Variants in COL22A1 observed in about 807,000 individuals in gnomAD.
COL22A1 encodes collagen type XXII alpha 1 chain, also known as collagen alpha-1(XXII) chain.
COL22A1 carries 221 observed loss-of-function variants against 248.9 expected under a neutral mutation model. The ratio of observed to expected loss-of-function variants is 0.89; its 90% CI spans 0.80 to 0.99. The LOEUF (loss-of-function observed/expected upper bound fraction) is 0.99. Ranked by LOEUF, COL22A1 falls within the 50% of genes least tolerant of loss-of-function variation. The pLI is 0.00. For missense variants in COL22A1, 2,240 were observed against 2,179.0 expected, an observed-to-expected ratio of 1.03 and a Z score of -0.56; for synonymous variants, 891 against 793.4, an observed-to-expected ratio of 1.12 and a Z score of -2.07.
At chr8:138,617,170 G>T (rs1196074256) in intron 53 of COL22A1, among the ~76,000 whole-genome samples, 1 of 152,180 alleles carries the variant, frequency 6.6e-6, no homozygotes, top group Non-Finnish European at 1.5e-5. Flanking sequence ...TCTATGCTGT[G>T]GGAAGGGCTG....
At position 138,676,647 on chromosome 8, in the gene COL22A1, G is replaced by C; in HGVS notation, c.3073-12C>G. On this transcript the variant is annotated splice_polypyrimidine_tract_variant and intron_variant, in intron 40 of 64. Coordinates refer to ENST00000303045, the MANE Select transcript of COL22A1 (RefSeq NM_152888.3). ...GCTCCTCGATCCCCCTAGAAAGAGA[G>C]AAAAATAAGATCAAGGAGGTCAGTG... The C allele has an allele frequency of 6.5e-7, 1 of 1,548,146 alleles. No individual in the cohort carries two copies. Among genetic ancestry groups the C allele is most frequent in the South Asian group, 1.2e-5 (1 of 84,246 alleles).
In COL22A1 at chr8:138,811,896, G is replaced by T; in HGVS notation, c.1352C>A (p.Pro451His). 6.4e-7 allele frequency: 1 copy of T among 1,561,930 alleles called. No homozygotes were observed. The highest frequency in any genetic ancestry group is 8.7e-7 in the Non-Finnish European group (1 of 1,154,668). Residue 451 changes from proline to histidine, a missense_variant, in exon 9 of 65, where the codon CCT becomes CAT. Physicochemically the swap from Pro to His is moderately conservative, Grantham distance 77. Transcript: ENST00000303045. ...GPCQVTVVTE[P>H]PPPPPPQRPP... ...CCGCTGGGGTGGGGGTGGAGGTGGA[G>T]GCTCTGTCACCACGGTCACCTGGCA...
At chr8:138,766,573 A>G (rs1833927773) in intron 16 of COL22A1, among the ~76,000 whole-genome samples, 1 of 152,154 alleles carries the variant, frequency 6.6e-6, no homozygotes, top group Non-Finnish European at 1.5e-5. Context: ...AGAAAAAGAC[A>G]GAAGACAGAT....
At chr8:138,739,155 T>G (rs188260455) in intron 22 of COL22A1, among the ~76,000 whole-genome samples, 1 of 152,306 alleles carries the variant, frequency 6.6e-6, no homozygotes, top group Admixed American at 6.5e-5. Context: ...CTACAATGCC[T>G]CTCAGCTCAC....
At chr8:138,730,840 A>C (rs1478459793) in intron 23 of COL22A1, among the ~76,000 whole-genome samples, 2 of 151,756 alleles carry the variant, frequency 1.3e-5, no homozygotes, top group African/African-American at 2.4e-5. Flanking sequence ...ATAGGAGAGG[A>C]AGGAAGCCAC....
chr8:138,806,000 G>A lies in COL22A1; in HGVS notation c.1494+1768C>T, dbSNP rs540272118. Among the ~76,000 whole-genome samples the A allele has an allele frequency of 6.8e-5, 4 of 59,050 alleles. No homozygotes were observed. The South Asian group carries it at 1.7e-3, about 25-fold the overall frequency. 38.7% of individuals were successfully genotyped at this position (59,050 alleles called of 152,430 possible). A position where few individuals can be genotyped will look rare whatever the true frequency, so the allele number is the denominator to read the frequency against. The stretch of plus-strand genomic sequence containing the variant: ...TGTGTGATTGTGTGTGATGGTGTGT[G>A]TGTGTGACGGTGTAGGTAATGGTGT... On this transcript the variant is annotated intron_variant, in intron 10 of 64. Transcript: ENST00000303045.
At chr8:138,861,775 C>T (rs1432020087) in intron 3 of COL22A1, among the ~76,000 whole-genome samples, 1 of 152,204 alleles carries the variant, frequency 6.6e-6, no homozygotes, top group Non-Finnish European at 1.5e-5. Flanking sequence ...TAAAGCAGTA[C>T]TCCTCTCTTG....
At chr8:138,621,324 C>T (rs944621321) in intron 52 of COL22A1, among the ~76,000 whole-genome samples, 2 of 152,264 alleles carry the variant, frequency 1.3e-5, no homozygotes. Context: ...GTCAGAGGAT[C>T]GCCAGTGAGG....
chr8:138,904,425 G>A (rs1814850241), intron 1 of COL22A1, among the ~76,000 whole-genome samples: 2 of 152,074 alleles, frequency 1.3e-5, no homozygotes, highest in African/African-American at 4.8e-5. Flanking sequence ...AGGCAGCACA[G>A]ATGGGAGGAT....
chr8:138,650,150 T>C (rs1175559842), intron 45 of COL22A1, among the ~76,000 whole-genome samples: 1 of 152,184 alleles, frequency 6.6e-6, no homozygotes, highest in East Asian at 1.9e-4. Context: ...ACATTTAGTA[T>C]TACTAAAAAT....
At chr8:138,888,014 A>G (rs543310013) in intron 1 of COL22A1, among the ~76,000 whole-genome samples, 4 of 152,160 alleles carry the variant, frequency 2.6e-5, no homozygotes, top group Non-Finnish European at 5.9e-5. Context: ...TCCCTTCTGT[A>G]TATTTTATTT....
At chr8:138,690,320 C>T (rs1009903562) in intron 36 of COL22A1, among the ~76,000 whole-genome samples, 1 of 152,066 alleles carries the variant, frequency 6.6e-6, no homozygotes. Flanking sequence ...CCTTGGGCCT[C>T]GACATGGAAA....
chr8:138,596,074 C>T (rs1817515567), intron 62 of COL22A1, among the ~76,000 whole-genome samples: 1 of 152,216 alleles, frequency 6.6e-6, no homozygotes, highest in African/African-American at 2.4e-5. Context: ...ACAATAATTA[C>T]ATGAGCCTCA....
intron 6 of COL22A1, 128 bp downstream of exon 6, chr8:138,826,530 G>A (rs1819594470): frequency 1.4e-5 from 14 of 973,802 alleles, no homozygotes; most frequent in South Asian, 4.6e-5. Flanking sequence ...GCCTCCATAC[G>A]CCAGGCTCTC....
At chr8:138,630,869 T>C (rs1820664064) in intron 49 of COL22A1, 121 bp from the exon 50 acceptor site, 1 of 869,722 alleles carries the variant, frequency 1.1e-6, no homozygotes, top group Non-Finnish European at 1.9e-6. Flanking sequence ...AAATCTCATG[T>C]TGAAATGTGA....
intron 4 of COL22A1, among the ~76,000 whole-genome samples, chr8:138,838,587 T>C (rs1241222811): frequency 6.6e-6 from 1 of 151,874 alleles, no homozygotes; most frequent in Non-Finnish European, 1.5e-5. Flanking sequence ...CCACTTTTAT[T>C]GGTTTCAGTG....
intron 2 of COL22A1, among the ~76,000 whole-genome samples, chr8:138,879,925 G>C (rs1486151881): frequency 6.6e-6 from 1 of 152,176 alleles, no homozygotes; most frequent in Non-Finnish European, 1.5e-5. Flanking sequence ...GGGTGCACGA[G>C]AGTTGGAGGA....
chr8:138,891,088 T>C (rs988953831), intron 1 of COL22A1, among the ~76,000 whole-genome samples: 2 of 151,854 alleles, frequency 1.3e-5, no homozygotes, highest in Admixed American at 1.3e-4. Flanking sequence ...ACTAGGAAAA[T>C]GATTTCATTC....
intron 21 of COL22A1, among the ~76,000 whole-genome samples, chr8:138,752,044 G>A (rs1214497843): frequency 2.0e-5 from 3 of 152,190 alleles, no homozygotes; most frequent in Admixed American, 6.5e-5. Context: ...CTGCCCCCTC[G>A]TCCTGCCTCG....
Sources: allele counts gnomAD v4.1 joint callset (sites outside exome capture counted in the v4.1 genomes callset), GRCh38; gene constraint gnomAD v4.1.1; transcripts MANE v1.5; gene names NCBI Gene and HGNC (gene_info 2026-07-23, HGNC 2026-07-21).